LGSN: variants seen among roughly 807,000 people sequenced by gnomAD.
LGSN encodes lengsin, lens protein with glutamine synthetase domain.
LGSN carries 21 observed loss-of-function variants against 19.5 expected under a neutral mutation model. The observed-to-expected ratio is 1.07, with a 90% CI of 0.76 to 1.55. LGSN has a LOEUF of 1.55. Among genes scored for constraint, LGSN ranks in the 40% most tolerant of loss-of-function variants. The pLI is 0.00. For synonymous variants in LGSN, 257 were observed against 215.6 expected (o/e 1.19, Z -1.68); for missense variants, 673 against 608.5 (o/e 1.11, Z -1.12).
the LGSN span, among the ~76,000 whole-genome samples, chr6:63,452,128 T>C: frequency 0.021 from 3,177 of 152,066 alleles, 93 homozygotes; most frequent in African/African-American, 0.073. Flanking sequence ...TGATCTCTCC[T>C]TTTTTATTTT....
chr6:63,419,914 A>G, the LGSN span, among the ~76,000 whole-genome samples: 2 of 122,242 alleles, frequency 1.6e-5, no homozygotes, highest in Non-Finnish European at 1.7e-5. Context: ...AAAAAAAAAA[A>G]AAAAAAAAAA....
the LGSN span, among the ~76,000 whole-genome samples, chr6:63,331,584 G>C: frequency 1.6e-4 from 24 of 152,144 alleles, no homozygotes; most frequent in African/African-American, 5.1e-4. Context: ...AATCCACAAC[G>C]GTCCCTGGAC....
At chr6:63,433,446 A>T in the LGSN span, among the ~76,000 whole-genome samples, 1 of 152,236 alleles carries the variant, frequency 6.6e-6, no homozygotes, top group Non-Finnish European at 1.5e-5. Context: ...CAGAGGCAGG[A>T]TTTGAACCCA....
the LGSN span, among the ~76,000 whole-genome samples, chr6:63,430,311 C>G: frequency 6.6e-6 from 1 of 152,184 alleles, no homozygotes; most frequent in Non-Finnish European, 1.5e-5. Flanking sequence ...GGGGTGAGAA[C>G]AGCTGGTCTC....
chr6:63,359,913 C>A, the LGSN span, among the ~76,000 whole-genome samples: 2 of 152,104 alleles, frequency 1.3e-5, no homozygotes, highest in Non-Finnish European at 2.9e-5. Flanking sequence ...ATTTCTCCTT[C>A]ACTTATGAAG....
the LGSN span, among the ~76,000 whole-genome samples, chr6:63,555,910 C>G: frequency 4.6e-5 from 7 of 151,788 alleles, no homozygotes; most frequent in Non-Finnish European, 1.0e-4. Flanking sequence ...GCCAGGCTGG[C>G]GAACTCCTGG....
chr6:63,356,733 A>T, the LGSN span, among the ~76,000 whole-genome samples: 3 of 152,066 alleles, frequency 2.0e-5, no homozygotes, highest in Non-Finnish European at 4.4e-5. Flanking sequence ...TCTCCTGAAA[A>T]TATAGGATGT....
the LGSN span, chr6:63,441,588 G>A: frequency 2.2e-6 from 1 of 455,210 alleles, no homozygotes; most frequent in South Asian, 1.9e-5. Context: ...GAAGTATGAG[G>A]CAAAGCAGCG....
At chr6:63,501,957 A>AT in the LGSN span, among the ~76,000 whole-genome samples, 3 of 152,118 alleles carry the variant, frequency 2.0e-5, no homozygotes, top group Non-Finnish European at 4.4e-5. Flanking sequence ...CACCACATCC[A>AT]GCTATTTTCT....
At chr6:63,343,837 G>A in the LGSN span, among the ~76,000 whole-genome samples, 2 of 152,082 alleles carry the variant, frequency 1.3e-5, no homozygotes, top group Non-Finnish European at 2.9e-5. Flanking sequence ...TTCTCTGGCT[G>A]GCAGAAGGGA....
At chr6:63,309,019 A>G (rs1441809250) in intron 1 of LGSN, among the ~76,000 whole-genome samples, 2 of 152,228 alleles carry the variant, frequency 1.3e-5, no homozygotes, top group African/African-American at 2.4e-5. Context: ...AATCCAAGAT[A>G]CGTCATGTAT....
chr6:63,308,287 T>C (rs529368381), intron 1 of LGSN, among the ~76,000 whole-genome samples: 1 of 152,296 alleles, frequency 6.6e-6, no homozygotes, highest in East Asian at 1.9e-4. Context: ...TACATGGGAA[T>C]GGCCATAAAA....
At chr6:63,348,708 G>T in the LGSN span, among the ~76,000 whole-genome samples, 1 of 150,758 alleles carries the variant, frequency 6.6e-6, no homozygotes, top group East Asian at 1.9e-4. Flanking sequence ...ACCCAAAGTA[G>T]GATACTAACT....
the LGSN span, among the ~76,000 whole-genome samples, chr6:63,544,954 C>T: frequency 6.6e-6 from 1 of 152,132 alleles, no homozygotes; most frequent in Admixed American, 6.5e-5. Flanking sequence ...TACCATATTG[C>T]ATATCAAACT....
the LGSN span, among the ~76,000 whole-genome samples, chr6:63,334,551 A>G: frequency 6.6e-6 from 1 of 152,242 alleles, no homozygotes; most frequent in Non-Finnish European, 1.5e-5. Context: ...CAATCTACAT[A>G]TTCAATGCAA....
chr6:63,303,569 A>T (rs138168368), intron 1 of LGSN, among the ~76,000 whole-genome samples: 81 of 152,340 alleles, frequency 5.3e-4, no homozygotes, highest in Middle Eastern at 3.4e-3. Flanking sequence ...TGAAATAGTC[A>T]CTGTAAGGCC....
the LGSN span, among the ~76,000 whole-genome samples, chr6:63,552,848 T>C: frequency 7.4e-3 from 1,133 of 152,308 alleles, 8 homozygotes; most frequent in Non-Finnish European, 0.013. Context: ...TGATTGTAGA[T>C]GTGTGGTATT....
chr6:63,276,886 T>A lies in LGSN; in HGVS notation c.*3135A>T, dbSNP rs1767119291. The A allele has an allele frequency of 6.6e-6, 1 of 152,224 alleles. No homozygotes were observed. Among genetic ancestry groups the A allele is most frequent in the African/African-American group, 2.4e-5 (1 of 41,456 alleles). The allele number at this position is 152,224 out of a possible 1,614,324, so 9.4% of individuals were successfully genotyped here. A position where few individuals can be genotyped will look rare whatever the true frequency, so the allele number is the denominator to read the frequency against. ...AAGAAATAGAAAAATAGATAACTGA[T>A]TTTTACATGTACCTACCCCAATTTG... On this transcript the variant is annotated 3_prime_UTR_variant, in exon 4 of 4. Transcript: ENST00000370657.
At chr6:63,496,797 C>A in the LGSN span, among the ~76,000 whole-genome samples, 9 of 151,780 alleles carry the variant, frequency 5.9e-5, no homozygotes, top group African/African-American at 2.2e-4. Flanking sequence ...CTACTATCAT[C>A]CCTACTTTAT....
Sources: gnomAD v4.1 joint callset for allele counts (sites outside exome capture counted in the v4.1 genomes callset) on GRCh38, gnomAD v4.1.1 for gene constraint, MANE v1.5 for transcripts, NCBI Gene and HGNC (gene_info 2026-07-23, HGNC 2026-07-21) for gene names.